PLEKHG7: variants seen among roughly 807,000 people sequenced by gnomAD.
PLEKHG7 encodes pleckstrin homology and RhoGEF domain containing G7, also known as pleckstrin homology domain-containing family G member 7.
Under a neutral mutation model 85.2 loss-of-function variants are expected in PLEKHG7, and 77 were observed. That is an observed-to-expected ratio of 0.90 (90% CI 0.75 to 1.09). The LOEUF is 1.09. PLEKHG7 is among the 50% of genes least tolerant of loss of function. The pLI is 0.00. For synonymous variants in PLEKHG7, 301 were observed against 302.4 expected, an observed-to-expected ratio of 1.00 and a Z score of 0.05; for missense variants, 777 against 804.3, an observed-to-expected ratio of 0.97 and a Z score of 0.41.
In PLEKHG7 at chr12:92,756,243, T is replaced by A. The variant is rs577519847; in HGVS notation, c.1543-55T>A. On this transcript the variant is annotated intron_variant, in intron 12 of 16. Transcript: ENST00000344636. Reference sequence around the variant, plus strand: ...GTTAATTGCCCCAGCTTTTTAAACATGTTCTCTTCCAATCACTAACAACAT... The same window carrying A: ...GTTAATTGCCCCAGCTTTTTAAACAAGTTCTCTTCCAATCACTAACAACAT... 902 of 1,353,672 alleles carry A rather than the reference T, an allele frequency of 6.7e-4. 13 individuals carry two copies. In the South Asian group the frequency reaches 0.011, roughly 16 times the overall value. The allele number at this position is 1,353,672 out of a possible 1,614,324, so 83.9% of individuals were successfully genotyped here.
intron 3 of PLEKHG7, among the ~76,000 whole-genome samples, chr12:92,725,895 C>T (rs1871784475): frequency 6.6e-6 from 1 of 152,012 alleles, no homozygotes; most frequent in African/African-American, 2.4e-5. Flanking sequence ...GGTGAGTATC[C>T]AGGGAGCAGG....
chr12:92,755,092 T>G (rs922807096), intron 11 of PLEKHG7, among the ~76,000 whole-genome samples: 1 of 152,230 alleles, frequency 6.6e-6, no homozygotes, highest in East Asian at 1.9e-4. Context: ...TTCTTTAGCT[T>G]TAGAAGTAAT....
chr12:92,756,042 A>G, intron 12 of PLEKHG7, 102 bp downstream of exon 12: 1 of 836,094 alleles, frequency 1.2e-6, no homozygotes, highest in South Asian at 1.7e-5. Flanking sequence ...CCACTTGAAG[A>G]ATAAATCTAG....
At chr12:92,703,421 T>C (rs1011521131) in intron 1 of PLEKHG7, among the ~76,000 whole-genome samples, 2 of 152,252 alleles carry the variant, frequency 1.3e-5, no homozygotes, top group Non-Finnish European at 2.9e-5. Flanking sequence ...TTAGCATGAA[T>C]GGATTGACTT....
In PLEKHG7 at chr12:92,745,375, T is replaced by C. The variant is rs1224763697; in HGVS notation, c.1138-103T>C. ...TTGATCATGGCGACTCCTCCACTTT[T>C]CCCTGTTCTAGTTAATGATAAAAGT... On this transcript the variant is annotated intron_variant, in intron 9 of 16. Transcript: ENST00000344636. 6.7e-6 allele frequency: 5 copies of C among 750,062 alleles called. No homozygotes were observed. The East Asian group carries it at 1.2e-4, about 19-fold the overall frequency. 46.5% of individuals were successfully genotyped at this position (750,062 alleles called of 1,614,324 possible).
rs1448794492 is a variant in PLEKHG7, at chr12:92,771,245, T to C, written c.*1050T>C. 6.6e-6 allele frequency: 1 copy of C among 152,118 alleles called. No homozygotes were observed. Among genetic ancestry groups the C allele is most frequent in the African/African-American group, 2.4e-5 (1 of 41,442 alleles). The allele number at this position is 152,118 out of a possible 1,614,324, so 9.4% of individuals were successfully genotyped here. A position where few individuals can be genotyped will look rare whatever the true frequency, so the allele number is the denominator to read the frequency against. ...CAATTTGCAAAGTGAAAGTAGTAAATTTATCAAATTTGGCTGCAAGACAAC... is the reference window on the plus strand; with the variant it reads ...CAATTTGCAAAGTGAAAGTAGTAAACTTATCAAATTTGGCTGCAAGACAAC... On this transcript the variant is annotated 3_prime_UTR_variant, in exon 17 of 17. Coordinates refer to ENST00000344636, the MANE Select transcript of PLEKHG7 (RefSeq NM_001377329.1).
Position 92,754,216 on chromosome 12 carries a change from G to C in PLEKHG7, c.1378G>C (p.Glu460Gln). The C allele has an allele frequency of 6.2e-7, 1 of 1,614,018 alleles. No individual in the cohort carries two copies. The highest frequency in any genetic ancestry group is 1.3e-5 in the African/African-American group (1 of 75,036). Residue 460 changes from glutamate to glutamine, a missense_variant, in exon 11 of 17, where the codon GAG (glutamate) becomes CAG (glutamine). This residue lies in a region of PLEKHG7 where 520 missense variants were observed against 544.0 expected (regional missense o/e 0.96). Transcript: ENST00000344636. ...NIWKRSMDSA[E>Q]KIMIYSIKEK... ...CTGGAAAAGGAGCATGGACTCTGCTGAGAAAATCATGATCTACTCCATCAA... is the reference window on the plus strand; with the variant it reads ...CTGGAAAAGGAGCATGGACTCTGCTCAGAAAATCATGATCTACTCCATCAA...
intron 15 of PLEKHG7, among the ~76,000 whole-genome samples, chr12:92,766,252 G>A (rs562720212): frequency 6.6e-6 from 1 of 152,146 alleles, no homozygotes; most frequent in African/African-American, 2.4e-5. Context: ...ATAGTAGAGG[G>A]CATCCTGTGC....
chr12:92,747,172 CA>C (rs990385522), intron 10 of PLEKHG7, among the ~76,000 whole-genome samples: 1 of 148,950 alleles, frequency 6.7e-6, no homozygotes, highest in Non-Finnish European at 1.5e-5. Flanking sequence ...ACTTGAAGAT[CA>C]AAAAAATAAA....
chr12:92,709,554 C>G lies in PLEKHG7; in HGVS notation c.530+1882C>G, dbSNP rs1165277784. Among the ~76,000 whole-genome samples, 5 of 152,238 alleles carry G rather than the reference C, an allele frequency of 3.3e-5. No individual in the cohort carries two copies. In the South Asian group the frequency reaches 8.3e-4, roughly 25 times the overall value. Reference sequence around the variant, plus strand: ...ATGTACTATATGTATATTTGTGAGTCTTAAATCAAGGAATGTTTCCTAGAG... The same window carrying G: ...ATGTACTATATGTATATTTGTGAGTGTTAAATCAAGGAATGTTTCCTAGAG... On this transcript the variant is annotated intron_variant, in intron 3 of 16. Transcript: ENST00000344636.
At position 92,727,962 on chromosome 12, in the gene PLEKHG7, G is replaced by GTATATA. The variant is rs1555194873; in HGVS notation, c.531-1022_531-1017dup. On this transcript the variant is annotated intron_variant, in intron 3 of 16. Transcript: ENST00000344636. The stretch of plus-strand genomic sequence containing the variant: ...TGTGTGTGTGTGTGTGTGTGTGTGT[G>GTATATA]TATATATATATATACACATATATAC... Among the ~76,000 whole-genome samples, 20 of 96,582 alleles carry GTATATA rather than the reference G, an allele frequency of 2.1e-4. 1 individual carries two copies. Among genetic ancestry groups the GTATATA allele is most frequent in the Non-Finnish European group, 3.4e-4 (16 of 47,748 alleles). The allele number at this position is 96,582 out of a possible 152,430, so 63.4% of individuals were successfully genotyped here.
intron 3 of PLEKHG7, among the ~76,000 whole-genome samples, chr12:92,711,236 G>A (rs902343640): frequency 1.3e-5 from 2 of 152,128 alleles, no homozygotes; most frequent in Non-Finnish European, 2.9e-5. Flanking sequence ...GTCCACTTTT[G>A]GGTGGTGCCT....
At chr12:92,722,208 A>C (rs1446822841) in intron 3 of PLEKHG7, among the ~76,000 whole-genome samples, 1 of 152,028 alleles carries the variant, frequency 6.6e-6, no homozygotes, top group Non-Finnish European at 1.5e-5. Context: ...CAACGATCCG[A>C]GCAACCCCAG....
At chr12:92,769,691 G>C (rs1565799735) in intron 16 of PLEKHG7, among the ~76,000 whole-genome samples, 1 of 152,070 alleles carries the variant, frequency 6.6e-6, no homozygotes, top group Non-Finnish European at 1.5e-5. Flanking sequence ...TCAATTTCCT[G>C]GGTCACTGCC....
In PLEKHG7 at chr12:92,737,365, C is replaced by T. The variant is rs1592680245; in HGVS notation, c.796-13C>T. ...TGGAAATGTTTTGTTCTCTCTTTTT[C>T]CCTCATGTACAGGATAAGACCTGGG... is the stretch of plus-strand genomic sequence containing the variant. On this transcript the variant is annotated splice_polypyrimidine_tract_variant and intron_variant, in intron 6 of 16. Coordinates refer to ENST00000344636, the MANE Select transcript of PLEKHG7 (RefSeq NM_001377329.1). The T allele has an allele frequency of 1.2e-5, 17 of 1,408,492 alleles. No individual in the cohort carries two copies. Among genetic ancestry groups the T allele is most frequent in the African/African-American group, 1.5e-5 (1 of 68,050 alleles). 87.2% of individuals were successfully genotyped at this position (1,408,492 alleles called of 1,614,324 possible).
Position 92,712,717 on chromosome 12 carries a change from C to A in PLEKHG7, c.530+5045C>A, listed in dbSNP as rs535008576. ...TTGCCTTTCCCTCCGTAATAGCCCTCACCCTACCAGTCAGGAAGCCAATGT... is the reference window on the plus strand; with the variant it reads ...TTGCCTTTCCCTCCGTAATAGCCCTAACCCTACCAGTCAGGAAGCCAATGT... On this transcript the variant is annotated intron_variant, in intron 3 of 16. Coordinates refer to ENST00000344636, the MANE Select transcript of PLEKHG7 (RefSeq NM_001377329.1). 9.9e-4 allele frequency among the ~76,000 whole-genome samples: 150 copies of A among 152,244 alleles called. 1 individual carries two copies. In the South Asian group the frequency reaches 0.01, roughly 11 times the overall value.
At chr12:92,753,443 T>TA (rs1414712667) in intron 10 of PLEKHG7, among the ~76,000 whole-genome samples, 2 of 152,280 alleles carry the variant, frequency 1.3e-5, no homozygotes, top group African/African-American at 4.8e-5. Context: ...TGGCAATACT[T>TA]ACTACAATTA....
chr12:92,731,664 A>C (rs1295301827), intron 4 of PLEKHG7, among the ~76,000 whole-genome samples: 1 of 152,240 alleles, frequency 6.6e-6, no homozygotes, highest in African/African-American at 2.4e-5. Context: ...TTCTCAAGTC[A>C]AAGCAACTCC....
At position 92,764,153 on chromosome 12, in the gene PLEKHG7, A is replaced by G; in HGVS notation, c.1829A>G (p.Asp610Gly). ...GTACTCGATCAGCCTATTCCACTAG[A>G]TAGATTGGTAGTCAAAAGTATTGAA... Reference protein sequence around the residue: ...CTVLDQPIPLDRLVVKSIEPL... With the variant: ...CTVLDQPIPLGRLVVKSIEPL... The change falls in exon 15 of 17, where the codon GAT becomes GGT. Residue 610 changes from aspartate (D) to glycine (G), a missense_variant. By Grantham distance (94) the Asp-to-Gly change is moderately conservative (BLOSUM62 -1). Coordinates refer to ENST00000344636, the MANE Select transcript of PLEKHG7 (RefSeq NM_001377329.1). 1 of 1,608,582 alleles carries G rather than the reference A, an allele frequency of 6.2e-7. No individual in the cohort carries two copies. Among genetic ancestry groups the G allele is most frequent in the Admixed American group, 1.7e-5 (1 of 59,540 alleles).
Sources: allele counts gnomAD v4.1 joint callset (sites outside exome capture counted in the v4.1 genomes callset), GRCh38; gene constraint gnomAD v4.1.1; regional missense constraint gnomAD v4.1.1; transcripts MANE v1.5; gene names NCBI Gene and HGNC (gene_info 2026-07-23, HGNC 2026-07-21).